The following FOXP1 variants were observed in gnomAD, a reference collection of about 807,000 sequenced individuals.
FOXP1 encodes forkhead box protein P1.
FOXP1 carries 15 observed loss-of-function variants against 98.2 expected under a neutral mutation model. The ratio of observed to expected loss-of-function variants is 0.15; its 90% CI spans 0.10 to 0.24. The LOEUF is 0.24. Ranked by LOEUF, FOXP1 falls within the 10% of genes least tolerant of loss-of-function variation. The pLI, the probability that FOXP1 is intolerant of heterozygous loss-of-function variation, is 1.00. For synonymous variants in FOXP1, 371 were observed against 314.5 expected (o/e 1.18, Z -1.90); for missense variants, 633 against 848.5 (o/e 0.75, Z 3.15).
At chr3:71,490,080 A>C (rs1194907364) in intron 3 of FOXP1, among the ~76,000 whole-genome samples, 3 of 152,194 alleles carry the variant, frequency 2.0e-5, no homozygotes, top group African/African-American at 7.2e-5. Flanking sequence ...AAGGCACAGG[A>C]CTGTGAATAA....
At chr3:71,170,152 CT>C (rs1249754343) in intron 6 of FOXP1, among the ~76,000 whole-genome samples, 2 of 152,278 alleles carry the variant, frequency 1.3e-5, no homozygotes, top group East Asian at 3.9e-4. Flanking sequence ...TAAAATAAAA[CT>C]GTCCTAATAA....
intron 6 of FOXP1, among the ~76,000 whole-genome samples, chr3:71,168,307 AAAAAC>A (rs2061485386): frequency 6.6e-6 from 1 of 152,078 alleles, no homozygotes. Flanking sequence ...AAAAGAAAAA[AAAAAC>A]AAAACAAAGT....
chr3:71,318,414 T>G (rs980162898), intron 4 of FOXP1, among the ~76,000 whole-genome samples: 1 of 152,202 alleles, frequency 6.6e-6, no homozygotes, highest in Non-Finnish European at 1.5e-5. Flanking sequence ...ATAAATTACT[T>G]TGGTGGACCT....
At chr3:71,350,689 C>A (rs975426998) in intron 4 of FOXP1, among the ~76,000 whole-genome samples, 2 of 152,142 alleles carry the variant, frequency 1.3e-5, no homozygotes, top group East Asian at 1.9e-4. Context: ...TCTGGGAAAA[C>A]TCCCATAGAT....
chr3:71,246,004 C>G (rs930035115), intron 5 of FOXP1, among the ~76,000 whole-genome samples: 11 of 152,034 alleles, frequency 7.2e-5, no homozygotes, highest in East Asian at 1.9e-4. Flanking sequence ...AACCACCCCC[C>G]CCCCACCACA....
chr3:71,339,692 T>C (rs1478593508), intron 4 of FOXP1, among the ~76,000 whole-genome samples: 2 of 152,222 alleles, frequency 1.3e-5, no homozygotes, highest in Non-Finnish European at 2.9e-5. Flanking sequence ...GAACCAGGAA[T>C]GCTGGTAGCA....
chr3:71,552,654 T>C (rs1578147865), intron 2 of FOXP1, among the ~76,000 whole-genome samples: 1 of 152,094 alleles, frequency 6.6e-6, no homozygotes, highest in African/African-American at 2.4e-5. Flanking sequence ...TTAAACATAT[T>C]ATAAAGTACA....
intron 2 of FOXP1, among the ~76,000 whole-genome samples, chr3:71,547,564 C>T (rs546497609): frequency 1.3e-5 from 2 of 152,290 alleles, no homozygotes; most frequent in South Asian, 2.1e-4. Context: ...CAGAGCCACA[C>T]TTAAGGGGCA....
intron 3 of FOXP1, among the ~76,000 whole-genome samples, chr3:71,445,073 G>A (rs900431449): frequency 5.3e-5 from 8 of 152,174 alleles, no homozygotes; most frequent in African/African-American, 1.9e-4. Flanking sequence ...TGCAGACCAC[G>A]TGGCAGGCAT....
chr3:71,407,387 A>C (rs1171900455), intron 3 of FOXP1, among the ~76,000 whole-genome samples: 1 of 152,190 alleles, frequency 6.6e-6, no homozygotes, highest in Non-Finnish European at 1.5e-5. Flanking sequence ...ATCCTTTCAT[A>C]ACCTGTCATC....
intron 20 of FOXP1, among the ~76,000 whole-genome samples, chr3:70,961,458 T>C (rs557675635): frequency 2.0e-5 from 3 of 151,854 alleles, no homozygotes; most frequent in Non-Finnish European, 4.4e-5. Context: ...CTTGAACTCC[T>C]GACCTCAAGT....
intron 5 of FOXP1, among the ~76,000 whole-genome samples, chr3:71,276,955 CTTT>C (rs34014285): frequency 7.0e-5 from 9 of 129,458 alleles, no homozygotes; most frequent in Admixed American, 7.9e-5. Context: ...AGTAGATCAA[CTTT>C]TTTTTTTTTT....
chr3:71,487,743 T>A (rs2090763009), intron 3 of FOXP1, among the ~76,000 whole-genome samples: 1 of 152,232 alleles, frequency 6.6e-6, no homozygotes, highest in Admixed American at 6.5e-5. Context: ...CCCAATACAT[T>A]AAAAGTTTAT....
intron 11 of FOXP1, among the ~76,000 whole-genome samples, chr3:71,039,883 T>C (rs943687981): frequency 3.9e-5 from 6 of 152,090 alleles, no homozygotes; most frequent in Admixed American, 2.0e-4. Context: ...GCTCCAAAGA[T>C]TGTCAGTGTC....
chr3:71,316,398 A>C (rs973098941), intron 4 of FOXP1, among the ~76,000 whole-genome samples: 9 of 152,072 alleles, frequency 5.9e-5, no homozygotes, highest in African/African-American at 1.9e-4. Flanking sequence ...CCTGTGAACT[A>C]TTCTAACCAT....
rs1433959333 is a variant in FOXP1 at position 70,957,789 on chromosome 3, T to G, written c.*1458A>C. On this transcript the variant is annotated 3_prime_UTR_variant, in exon 21 of 21. Coordinates refer to ENST00000649528, the MANE Select transcript of FOXP1 (RefSeq NM_001349338.3). ...GGTGATATAATATTGCATAACAAAC[T>G]GCAGTACCAAATTTGCATATTTGAA... 1 of 234,090 alleles carries G rather than the reference T, an allele frequency of 4.3e-6. No homozygotes were observed. The highest frequency in any genetic ancestry group is 8.5e-6 in the Non-Finnish European group (1 of 118,328). 14.5% of individuals were successfully genotyped at this position (234,090 alleles called of 1,614,324 possible). A position where few individuals can be genotyped will look rare whatever the true frequency, so the allele number is the denominator to read the frequency against.
chr3:71,143,954 C>T (rs1435248656), intron 6 of FOXP1, among the ~76,000 whole-genome samples: 3 of 151,976 alleles, frequency 2.0e-5, no homozygotes, highest in Non-Finnish European at 2.9e-5. Context: ...CTTTTCACGT[C>T]GCACTATAAA....
intron 13 of FOXP1, among the ~76,000 whole-genome samples, chr3:70,994,617 C>T (rs1257947098): frequency 2.6e-5 from 4 of 152,120 alleles, no homozygotes; most frequent in Non-Finnish European, 5.9e-5. Flanking sequence ...CGGGAAGAGG[C>T]CACACCACCT....
At chr3:71,175,979 A>C (rs2061918477) in intron 6 of FOXP1, among the ~76,000 whole-genome samples, 1 of 152,240 alleles carries the variant, frequency 6.6e-6, no homozygotes. Context: ...GAAGCAAAAT[A>C]ATCCACTCTC....
Sources: allele counts gnomAD v4.1 joint callset (sites outside exome capture counted in the v4.1 genomes callset), GRCh38; gene constraint gnomAD v4.1.1; transcripts MANE v1.5; gene names NCBI Gene and HGNC (gene_info 2026-07-23, HGNC 2026-07-21).